The following ANKS1B variants were observed in gnomAD, a reference collection of about 807,000 sequenced individuals.
The protein encoded by ANKS1B is ankyrin repeat and sterile alpha motif domain containing 1B.
Under a neutral mutation model 148.3 loss-of-function variants are expected in ANKS1B, and 36 were observed. The ratio of observed to expected loss-of-function variants is 0.24; its 90% CI spans 0.19 to 0.32. The LOEUF is 0.32. Ranked by LOEUF, ANKS1B falls within the 10% of genes least tolerant of loss-of-function variation. ANKS1B has a pLI of 1.00. For synonymous variants in ANKS1B, 542 were observed against 560.8 expected, an observed-to-expected ratio of 0.97 and a Z score of 0.47; for missense variants, 1,157 against 1,542.6, an observed-to-expected ratio of 0.75 and a Z score of 4.19.
chr12:99,836,754 C>T (rs1435768819), intron 1 of ANKS1B, among the ~76,000 whole-genome samples: 1 of 152,074 alleles, frequency 6.6e-6, no homozygotes, highest in East Asian at 1.9e-4. Context: ...TTCCTCCCAG[C>T]CCATATTTTC....
At chr12:98,888,534 C>T (rs749825976) in intron 17 of ANKS1B, among the ~76,000 whole-genome samples, 40 of 152,300 alleles carry the variant, frequency 2.6e-4, no homozygotes, top group Non-Finnish European at 4.4e-4. Flanking sequence ...AGAATAAAAC[C>T]CAAACTCTTT....
At chr12:99,058,790 T>A (rs1232724516) in intron 16 of ANKS1B, among the ~76,000 whole-genome samples, 1 of 132,160 alleles carries the variant, frequency 7.6e-6, no homozygotes, top group South Asian at 2.5e-4. Flanking sequence ...CAGGCTGGAG[T>A]GCAGTGGCGC....
At position 99,721,634 on chromosome 12, in the gene ANKS1B, C is replaced by T. The variant is rs554642283; in HGVS notation, c.1128+51288G>A. Reference sequence around the variant, plus strand: ...AAACGGCCCCACCCCTATCTCCCTTCGCTGACTCTCTTTTCGGACTCAGCC... The same window carrying T: ...AAACGGCCCCACCCCTATCTCCCTTTGCTGACTCTCTTTTCGGACTCAGCC... On this transcript the variant is annotated intron_variant, in intron 8 of 26. Coordinates refer to ENST00000683438, the MANE Select transcript of ANKS1B (RefSeq NM_001352186.2). Among the ~76,000 whole-genome samples the T allele has an allele frequency of 3.9e-4, 60 of 152,292 alleles. 1 individual carries two copies. Among genetic ancestry groups the T allele is most frequent in the African/African-American group, 1.2e-3 (51 of 41,544 alleles).
intron 12 of ANKS1B, among the ~76,000 whole-genome samples, chr12:99,268,873 T>C (rs774720117): frequency 1.1e-4 from 16 of 152,216 alleles, no homozygotes; most frequent in Non-Finnish European, 1.6e-4. Context: ...CTGTTATCTT[T>C]TTATTAGGGA....
chr12:99,798,015 T>C (rs928242862), intron 4 of ANKS1B, among the ~76,000 whole-genome samples: 14 of 151,878 alleles, frequency 9.2e-5, no homozygotes, highest in African/African-American at 2.7e-4. Flanking sequence ...TTTAAAGTCG[T>C]TTTTAGGTTA....
chr12:98,966,494 T>C (rs534705102), intron 17 of ANKS1B, among the ~76,000 whole-genome samples: 6 of 152,298 alleles, frequency 3.9e-5, no homozygotes, highest in African/African-American at 1.4e-4. Flanking sequence ...AGTGTGGCGA[T>C]TCCTCAAGGA....
chr12:99,466,148 T>G (rs866945225), intron 10 of ANKS1B, among the ~76,000 whole-genome samples: 189 of 152,088 alleles, frequency 1.2e-3, no homozygotes, highest in Non-Finnish European at 2.2e-3. Context: ...TCAAAACCAC[T>G]CAACTACATG....
chr12:99,923,668 T>C (rs2094419314), intron 1 of ANKS1B, among the ~76,000 whole-genome samples: 1 of 152,180 alleles, frequency 6.6e-6, no homozygotes, highest in Non-Finnish European at 1.5e-5. Flanking sequence ...AGGAGATTCC[T>C]TGGATGGTGC....
chr12:99,878,030 G>A (rs1012940882), intron 1 of ANKS1B, among the ~76,000 whole-genome samples: 3 of 152,122 alleles, frequency 2.0e-5, no homozygotes, highest in African/African-American at 7.2e-5. Context: ...ACTCCAGCCT[G>A]GGTGACAGAG....
chr12:99,326,592 A>G (rs914292525), intron 12 of ANKS1B, among the ~76,000 whole-genome samples: 8 of 152,120 alleles, frequency 5.3e-5, no homozygotes, highest in African/African-American at 1.9e-4. Flanking sequence ...ACATTGTTAA[A>G]TTCCCAGTAC....
At chr12:98,848,920 G>T (rs961449613) in intron 17 of ANKS1B, among the ~76,000 whole-genome samples, 3 of 151,790 alleles carry the variant, frequency 2.0e-5, no homozygotes, top group Admixed American at 1.3e-4. Flanking sequence ...TGTATTTTTA[G>T]TAGAGATGGG....
intron 3 of ANKS1B, among the ~76,000 whole-genome samples, chr12:99,809,694 A>G (rs2068088630): frequency 6.6e-6 from 1 of 152,094 alleles, no homozygotes; most frequent in South Asian, 2.1e-4. Context: ...AAGAGATAAC[A>G]TATTTTTAAA....
At chr12:98,780,386 C>T (rs2098722714) in intron 24 of ANKS1B, among the ~76,000 whole-genome samples, 1 of 152,124 alleles carries the variant, frequency 6.6e-6, no homozygotes, top group African/African-American at 2.4e-5. Flanking sequence ...ATGGTCACAC[C>T]CAAGCTTTCT....
At chr12:98,953,095 A>ACTGCAACCTCTGCCTCC (rs2099856543) in intron 17 of ANKS1B, among the ~76,000 whole-genome samples, 1 of 151,560 alleles carries the variant, frequency 6.6e-6, no homozygotes, top group Non-Finnish European at 1.5e-5. Flanking sequence ...ATCTTGGCTC[A>ACTGCAACCTCTGCCTCC]CTGCAACCTC....
chr12:99,126,551 C>G (rs141913999), intron 15 of ANKS1B, among the ~76,000 whole-genome samples: 1 of 152,016 alleles, frequency 6.6e-6, no homozygotes, highest in Non-Finnish European at 1.5e-5. Flanking sequence ...CTATGCATGG[C>G]GAAGATATGT....
intron 14 of ANKS1B, among the ~76,000 whole-genome samples, chr12:99,240,094 T>A (rs2088956776): frequency 6.6e-6 from 1 of 152,034 alleles, no homozygotes. Flanking sequence ...AGGCTAAATG[T>A]CCCTATTAAA....
At chr12:98,967,271 G>A (rs546619187) in intron 17 of ANKS1B, among the ~76,000 whole-genome samples, 3 of 152,156 alleles carry the variant, frequency 2.0e-5, no homozygotes, top group African/African-American at 4.8e-5. Context: ...TGTTTCCGAC[G>A]TTGATATCTG....
chr12:98,838,119 T>C (rs2099385649), intron 17 of ANKS1B, among the ~76,000 whole-genome samples: 1 of 152,226 alleles, frequency 6.6e-6, no homozygotes, highest in Non-Finnish European at 1.5e-5. Flanking sequence ...ACTAACTCCA[T>C]ATTATCACAT....
intron 17 of ANKS1B, among the ~76,000 whole-genome samples, chr12:98,972,863 G>A (rs1289301440): frequency 6.6e-6 from 1 of 152,174 alleles, no homozygotes; most frequent in African/African-American, 2.4e-5. Flanking sequence ...TGAAGTTTGG[G>A]TCATTTTTAG....
Sources: gnomAD v4.1 joint callset for allele counts (sites outside exome capture counted in the v4.1 genomes callset) on GRCh38, gnomAD v4.1.1 for gene constraint, MANE v1.5 for transcripts, NCBI Gene and HGNC (gene_info 2026-07-23, HGNC 2026-07-21) for gene names.